The following CADM1 variants were observed in gnomAD, a reference collection of about 807,000 sequenced individuals.
CADM1 encodes the protein TSLC-1.
In CADM1, 15 loss-of-function variants were observed where a neutral mutation model predicts 53.1. The ratio of observed to expected loss-of-function variants is 0.28; its 90% CI spans 0.19 to 0.44. The LOEUF is 0.44. CADM1 is among the 20% of genes least tolerant of loss of function. The probability of loss-of-function intolerance (pLI) is 1.00; values close to 1 mark genes in which losing one functional copy is unlikely to be tolerated. For synonymous variants in CADM1, 281 were observed against 243.0 expected (o/e 1.16, Z -1.45); for missense variants, 434 against 611.3 (o/e 0.71, Z 3.06).
chr11:115,358,914 G>A (rs749595763), intron 1 of CADM1, among the ~76,000 whole-genome samples: 8 of 152,018 alleles, frequency 5.3e-5, no homozygotes, highest in Non-Finnish European at 1.0e-4. Flanking sequence ...TTCGCCCACC[G>A]AGTATTTCAT....
chr11:115,444,611 T>C (rs1052191085), intron 1 of CADM1, among the ~76,000 whole-genome samples: 2 of 152,228 alleles, frequency 1.3e-5, no homozygotes, highest in Non-Finnish European at 2.9e-5. Context: ...TCAGGTTCCA[T>C]AGTTCTCTGT....
chr11:115,410,476 C>A (rs1256854999), intron 1 of CADM1, among the ~76,000 whole-genome samples: 1 of 151,872 alleles, frequency 6.6e-6, no homozygotes, highest in African/African-American at 2.4e-5. Context: ...TAAACAAAGT[C>A]TAGAGGCAGA....
Position 115,409,859 on chromosome 11 carries a change from A to G in CADM1, c.124+94412T>C, listed in dbSNP as rs77167669. ...GCTGTAGTAGCTGCCTTGTTTACAA[A>G]GCAATTCAGGAAGCTTTTAGAGGGC... On this transcript the variant is annotated intron_variant, in intron 1 of 11. Transcript: ENST00000331581. Among the ~76,000 whole-genome samples, 890 of 152,320 alleles carry G rather than the reference A, an allele frequency of 5.8e-3. 6 individuals are homozygous for G. The highest frequency in any genetic ancestry group is 0.02 in the African/African-American group (848 of 41,578).
chr11:115,349,353 G>A (rs1410300784), intron 1 of CADM1, among the ~76,000 whole-genome samples: 1 of 152,082 alleles, frequency 6.6e-6, no homozygotes, highest in African/African-American at 2.4e-5. Flanking sequence ...CTTTATTACA[G>A]GAAAGTATTT....
intron 1 of CADM1, among the ~76,000 whole-genome samples, chr11:115,450,153 A>T (rs1948540555): frequency 6.6e-6 from 1 of 152,180 alleles, no homozygotes; most frequent in African/African-American, 2.4e-5. Context: ...ACCACCAAAA[A>T]TAAGGTCCTT....
chr11:115,220,043 C>A (rs1247500971), intron 5 of CADM1, among the ~76,000 whole-genome samples: 1 of 152,096 alleles, frequency 6.6e-6, no homozygotes, highest in African/African-American at 2.4e-5. Context: ...AATGTAACAT[C>A]TGCTTATAGG....
At chr11:115,191,982 T>C (rs1939896322) in intron 9 of CADM1, among the ~76,000 whole-genome samples, 2 of 152,224 alleles carry the variant, frequency 1.3e-5, no homozygotes, top group Admixed American at 1.3e-4. Flanking sequence ...CTTTCCCTTC[T>C]GCTACAGCCA....
chr11:115,203,043 A>G (rs1940508590), intron 8 of CADM1, among the ~76,000 whole-genome samples: 1 of 152,168 alleles, frequency 6.6e-6, no homozygotes, highest in Admixed American at 6.6e-5. Context: ...GAAAACTAAA[A>G]GGCCAAAATA....
intron 4 of CADM1, 85 bp from the exon 5 acceptor site, chr11:115,229,356 C>G: frequency 1.6e-6 from 2 of 1,225,552 alleles, no homozygotes; most frequent in East Asian, 4.7e-5. Flanking sequence ...TGTCCTCTAA[C>G]CCCAACATTG....
intron 1 of CADM1, among the ~76,000 whole-genome samples, chr11:115,367,909 T>A (rs1946208174): frequency 6.6e-6 from 1 of 152,052 alleles, no homozygotes; most frequent in Non-Finnish European, 1.5e-5. Context: ...TTTAACAACT[T>A]GTTTACATTA....
At chr11:115,253,398 G>A (rs986099155) in intron 1 of CADM1, among the ~76,000 whole-genome samples, 1 of 152,052 alleles carries the variant, frequency 6.6e-6, no homozygotes, top group African/African-American at 2.4e-5. Flanking sequence ...AAGATGTTTG[G>A]GGTGTCTGGA....
intron 1 of CADM1, among the ~76,000 whole-genome samples, chr11:115,347,454 T>C (rs1410852516): frequency 6.6e-6 from 1 of 152,190 alleles, no homozygotes; most frequent in Non-Finnish European, 1.5e-5. Context: ...ACAAGCTGCA[T>C]CCTTGAGAAA....
At chr11:115,442,533 T>C (rs1242578861) in intron 1 of CADM1, among the ~76,000 whole-genome samples, 1 of 152,184 alleles carries the variant, frequency 6.6e-6, no homozygotes, top group Non-Finnish European at 1.5e-5. Flanking sequence ...GAAGACCTAA[T>C]GTAGCCTTAA....
chr11:115,213,528 TA>T (rs1941051939), intron 7 of CADM1, among the ~76,000 whole-genome samples: 1 of 152,200 alleles, frequency 6.6e-6, no homozygotes, highest in Non-Finnish European at 1.5e-5. Context: ...TATATTTTAA[TA>T]TCCATGCAGA....
At chr11:115,315,770 A>G (rs1944650776) in intron 1 of CADM1, among the ~76,000 whole-genome samples, 1 of 152,172 alleles carries the variant, frequency 6.6e-6, no homozygotes, top group South Asian at 2.1e-4. Flanking sequence ...ACTCTCCTGA[A>G]AAAGAGGAAA....
intron 1 of CADM1, among the ~76,000 whole-genome samples, chr11:115,291,826 A>G (rs1324524137): frequency 6.6e-6 from 1 of 152,256 alleles, no homozygotes. Context: ...TGTGACCTGC[A>G]GCAGTGAGTG....
At chr11:115,431,200 G>T (rs1181081015) in intron 1 of CADM1, among the ~76,000 whole-genome samples, 1 of 152,100 alleles carries the variant, frequency 6.6e-6, no homozygotes, top group Admixed American at 6.6e-5. Flanking sequence ...CTTTGAAGAC[G>T]CAAAATAAGG....
rs571163059 is a variant in CADM1, at chr11:115,181,250, G to T, written c.1166-2475C>A. Among the ~76,000 whole-genome samples, 6 of 152,162 alleles carry T rather than the reference G, an allele frequency of 3.9e-5. No individual in the cohort carries two copies. In the East Asian group the frequency reaches 1.2e-3, roughly 29 times the overall value. On this transcript the variant is annotated intron_variant, in intron 10 of 11. Coordinates refer to ENST00000331581, the MANE Select transcript of CADM1 (RefSeq NM_001301043.2). ...CCCTCAAACAAAAAGATCTCACGAG[G>T]TATATGTATCTGTGAGATTAATTTC...
chr11:115,410,169 A>C (rs947322846), intron 1 of CADM1, among the ~76,000 whole-genome samples: 2 of 152,226 alleles, frequency 1.3e-5, no homozygotes, highest in African/African-American at 4.8e-5. Context: ...CAAATCAACT[A>C]TGACCTGAAC....
Sources: gnomAD v4.1 joint callset for allele counts (sites outside exome capture counted in the v4.1 genomes callset) on GRCh38, gnomAD v4.1.1 for gene constraint, MANE v1.5 for transcripts, NCBI Gene and HGNC (gene_info 2026-07-23, HGNC 2026-07-21) for gene names.